MBD1: variants seen among roughly 807,000 people sequenced by gnomAD.
The protein encoded by MBD1 is methyl-CpG binding domain protein 1, also known as methyl-CpG-binding domain protein 1.
A neutral mutation model predicts 82.6 loss-of-function variants in MBD1; 25 were observed. The observed-to-expected ratio is 0.30, with a 90% CI of 0.22 to 0.42. The LOEUF is 0.42. MBD1 is among the 10% of genes least tolerant of loss of function. The pLI is 1.00. For synonymous variants in MBD1, 301 were observed against 303.7 expected (o/e 0.99, Z 0.09); for missense variants, 627 against 819.6 (o/e 0.76, Z 2.87).
intron 10 of MBD1, among the ~76,000 whole-genome samples, chr18:50,274,670 A>G (rs915987170): frequency 1.3e-5 from 2 of 152,168 alleles, no homozygotes; most frequent in South Asian, 2.1e-4. Flanking sequence ...CAACATTTTG[A>G]TAACTCTCTA....
chr18:50,273,491 A>G lies in MBD1; in HGVS notation c.1447-20T>C, dbSNP rs760064532. 2 of 1,614,066 alleles carry G rather than the reference A, an allele frequency of 1.2e-6. No homozygotes were observed. The highest frequency in any genetic ancestry group is 8.5e-7 in the Non-Finnish European group (1 of 1,180,030). On this transcript the variant is annotated intron_variant, in intron 12 of 16. Coordinates refer to ENST00000269468, the MANE Select transcript of MBD1 (RefSeq NM_015846.4). ...GGCCTCCTGCGTGAGGGAGGATTGC[A>G]GCAGACTTGGTCTCAGCTCCCTGGC...
chr18:50,275,397 G>A, intron 8 of MBD1, 152 bp from the exon 9 acceptor site: 1 of 1,607,952 alleles, frequency 6.2e-7, no homozygotes, highest in East Asian at 2.2e-5. Flanking sequence ...CCAGGGGAGT[G>A]CGTCGCTGAC....
At position 50,272,731 on chromosome 18, in the gene MBD1, T is replaced by G; in HGVS notation, c.1724A>C (p.Glu575Ala). 3 of 1,614,128 alleles carry G rather than the reference T, an allele frequency of 1.9e-6. No homozygotes were observed. Among genetic ancestry groups the G allele is most frequent in the Non-Finnish European group, 2.5e-6 (3 of 1,180,028 alleles). Residue 575 changes from glutamate to alanine, a missense_variant, in exon 15 of 17, where the codon GAG (glutamate) becomes GCG (alanine). Physicochemically the swap from Glu to Ala is moderately radical, Grantham distance 107 (BLOSUM62 -1). Transcript: ENST00000269468. ...GCGGGTTCCACCCAGGCTGAAAATCTCCGTGATCTAGAGAAGAATTAACAC... is the reference window on the plus strand; with the variant it reads ...GCGGGTTCCACCCAGGCTGAAAATCGCCGTGATCTAGAGAAGAATTAACAC... ...AGGAGTPVITEIFSLGGTRFR... is the reference protein window; with the variant it reads ...AGGAGTPVITAIFSLGGTRFR...
At position 50,268,871 on chromosome 18, in the gene MBD1, A is replaced by G. The variant is rs1158186250; in HGVS notation, c.*980T>C. 1.0e-6 allele frequency: 1 copy of G among 970,436 alleles called. No homozygotes were observed. The allele number at this position is 970,436 out of a possible 1,614,324, so 60.1% of individuals were successfully genotyped here. On this transcript the variant is annotated 3_prime_UTR_variant, in exon 17 of 17. Transcript: ENST00000269468. ...TAAGTGGGACAATAAAAATTTAAAA[A>G]TAATTTTAAAATAGAACAGCTTAGA...
downstream of MBD1, chr18:50,266,953 T>G: frequency 6.3e-6 from 1 of 159,978 alleles, no homozygotes; most frequent in Non-Finnish European, 1.4e-5. Flanking sequence ...CACAGATTTT[T>G]TCTGAGACAA....
rs1313962502 is a variant in MBD1 at position 50,273,882 on chromosome 18, T to C, written c.1147-19A>G. 6.2e-7 allele frequency: 1 copy of C among 1,610,022 alleles called. No homozygotes were observed. The highest frequency in any genetic ancestry group is 1.3e-5 in the African/African-American group (1 of 74,878). On this transcript the variant is annotated intron_variant, in intron 11 of 16. Transcript: ENST00000269468. ...GCCGCTTCTATGGGGAAAGATAGGGTGCTATGGCTACCTGGTGTCCTGACC... is the reference window on the plus strand; with the variant it reads ...GCCGCTTCTATGGGGAAAGATAGGGCGCTATGGCTACCTGGTGTCCTGACC...
At position 50,275,124 on chromosome 18, in the gene MBD1, C is replaced by T; in HGVS notation, c.909+5G>A. 6.2e-7 allele frequency: 1 copy of T among 1,613,724 alleles called. No individual in the cohort carries two copies. The highest frequency in any genetic ancestry group is 8.5e-7 in the Non-Finnish European group (1 of 1,179,656). On this transcript the variant is annotated splice_donor_5th_base_variant and intron_variant, in intron 9 of 16. Coordinates refer to ENST00000269468, the MANE Select transcript of MBD1 (RefSeq NM_015846.4). ...GTGCCTTCCCTCCACCCACTGGGGCCTCACCGGCTCTGTGGGCTCTGGGGA... is the reference window on the plus strand; with the variant it reads ...GTGCCTTCCCTCCACCCACTGGGGCTTCACCGGCTCTGTGGGCTCTGGGGA...
Position 50,269,139 on chromosome 18 carries a change from T to C in MBD1, c.*712A>G. The C allele has an allele frequency of 2.9e-6, 3 of 1,037,030 alleles. No homozygotes were observed. Among genetic ancestry groups the C allele is most frequent in the Non-Finnish European group, 3.5e-6 (3 of 861,048 alleles). The allele number at this position is 1,037,030 out of a possible 1,614,324, so 64.2% of individuals were successfully genotyped here. ...CTACCACAGGCCAGGTTCTCAATAC[T>C]TGAATAAATGACACAAAAATAGCCA... On this transcript the variant is annotated 3_prime_UTR_variant, in exon 17 of 17. Transcript: ENST00000269468.
At position 50,275,882 on chromosome 18, in the gene MBD1, G is replaced by A. The variant is rs769889228; in HGVS notation, c.616C>T (p.Leu206=). The A allele has an allele frequency of 6.2e-7, 1 of 1,614,172 alleles. No homozygotes were observed. The highest frequency in any genetic ancestry group is 8.5e-7 in the Non-Finnish European group (1 of 1,180,024). The change falls in exon 7 of 17, where the codon CTG becomes TTG. Residue 206 remains leucine, a synonymous_variant. Transcript: ENST00000269468. The part of the protein sequence containing the change: ...LQLPHDVASG[L]FCKCERRRCL... ...CGTCTCCGTTCACACTTGCAGAACA[G>A]CCCCGATGCCACATCATGGGGCAGC...
At chr18:50,276,338 C>G in intron 6 of MBD1, 40 bp downstream of exon 6, 7 of 1,597,890 alleles carry the variant, frequency 4.4e-6, no homozygotes, top group Middle Eastern at 3.3e-4. Flanking sequence ...ACATCCTGCT[C>G]CCACTGCAGA....
intron 13 of MBD1, 161 bp downstream of exon 13, chr18:50,273,173 G>T: frequency 7.9e-7 from 1 of 1,261,224 alleles, no homozygotes; most frequent in Non-Finnish European, 1.1e-6. Flanking sequence ...CTAGTTGCCT[G>T]TGGGAGGTAG....
At position 50,279,789 on chromosome 18, in the gene MBD1, T is replaced by G. The variant is rs866228695; in HGVS notation, c.110+94A>C. 1.1e-4 allele frequency: 161 copies of G among 1,531,612 alleles called. 5 individuals carry two copies. In the Middle Eastern group the frequency reaches 0.01, roughly 95 times the overall value. 94.9% of individuals were successfully genotyped at this position (1,531,612 alleles called of 1,614,324 possible). A position where few individuals can be genotyped will look rare whatever the true frequency, so the allele number is the denominator to read the frequency against. ...ATAAGGATTAACTGTATGTGCATAA[T>G]TTAAACTTCATCCATAAATTTAACC... On this transcript the variant is annotated intron_variant, in intron 2 of 16. Coordinates refer to ENST00000269468, the MANE Select transcript of MBD1 (RefSeq NM_015846.4).
intron 1 of MBD1, among the ~76,000 whole-genome samples, chr18:50,280,587 C>T (rs12957023): frequency 0.65 from 98,480 of 151,578 alleles, 32,678 homozygotes; most frequent in South Asian, 0.72. Flanking sequence ...GTGTTACAAC[C>T]TCGACTTCCT....
chr18:50,276,251 C>T, intron 6 of MBD1, 127 bp downstream of exon 6: 1 of 1,000,698 alleles, frequency 1.0e-6, no homozygotes. Flanking sequence ...GTCTGCTGAC[C>T]TATGGAGAGC....
rs922608119 is a variant in MBD1, at chr18:50,273,866, A to G, written c.1147-3T>C. On this transcript the variant is annotated splice_region_variant and splice_polypyrimidine_tract_variant and intron_variant, in intron 11 of 16. Transcript: ENST00000269468. Reference sequence around the variant, plus strand: ...CAGACACTGGGCAGCAGCCGCTTCTATGGGGAAAGATAGGGTGCTATGGCT... The same window carrying G: ...CAGACACTGGGCAGCAGCCGCTTCTGTGGGGAAAGATAGGGTGCTATGGCT... 1.9e-6 allele frequency: 3 copies of G among 1,611,870 alleles called. No homozygotes were observed. The highest frequency in any genetic ancestry group is 2.5e-6 in the Non-Finnish European group (3 of 1,179,916).
At chr18:50,267,513 AG>A, downstream of MBD1, 1 of 949,866 alleles carries the variant, frequency 1.1e-6, no homozygotes, top group Non-Finnish European at 1.6e-6. Flanking sequence ...ACAGTGGACC[AG>A]GGTCAGGATG....
chr18:50,271,566 T>C (rs777920060), intron 15 of MBD1, 26 bp from the exon 16 acceptor site: 11 of 1,614,170 alleles, frequency 6.8e-6, no homozygotes, highest in Non-Finnish European at 9.3e-6. Flanking sequence ...CAGGTCTGTA[T>C]GTTGAATGAG....
At chr18:50,275,447 G>A in intron 8 of MBD1, 153 bp downstream of exon 8, 2 of 1,600,018 alleles carry the variant, frequency 1.2e-6, no homozygotes, top group Non-Finnish European at 8.5e-7. Context: ...GCAAGGTGCT[G>A]GCAGACAGAG....
At chr18:50,275,796 C>T (rs372264400) in intron 7 of MBD1, 39 bp downstream of exon 7, 23 of 1,614,144 alleles carry the variant, frequency 1.4e-5, no homozygotes, top group East Asian at 2.2e-5. Context: ...GGCCAGGGGC[C>T]GAGGTGAGCC....
Sources: allele counts gnomAD v4.1 joint callset (sites outside exome capture counted in the v4.1 genomes callset), GRCh38; gene constraint gnomAD v4.1.1; transcripts MANE v1.5; gene names NCBI Gene and HGNC (gene_info 2026-07-23, HGNC 2026-07-21).